Variants in PVT1 observed in about 807,000 individuals in gnomAD.
PVT1 encodes Pvt1 oncogene, also known as CXCR4/PVT1 fusion.
At chr8:127,808,006 G>A (rs999922837) in intron 2 of PVT1, among the ~76,000 whole-genome samples, 2 of 151,816 alleles carry the variant, frequency 1.3e-5, no homozygotes, top group African/African-American at 4.8e-5. Context: ...CTGACCTCAT[G>A]AGCCACCCGC....
At chr8:127,913,025 T>C (rs1815926417) in intron 3 of PVT1, among the ~76,000 whole-genome samples, 1 of 151,690 alleles carries the variant, frequency 6.6e-6, no homozygotes, top group East Asian at 1.9e-4. Context: ...TGTTTTTTTC[T>C]TTTTAGTAGA....
chr8:127,880,561 G>T (rs1563629008), intron 2 of PVT1, among the ~76,000 whole-genome samples: 1 of 145,874 alleles, frequency 6.9e-6, no homozygotes, highest in East Asian at 2.0e-4. Context: ...CTCCCAAAGT[G>T]CTGGGATTAT....
intron 4 of PVT1, among the ~76,000 whole-genome samples, chr8:128,001,866 T>A (rs1243662117): frequency 2.0e-5 from 3 of 152,178 alleles, no homozygotes; most frequent in Non-Finnish European, 4.4e-5. Context: ...GAGCCTCTTT[T>A]GTCAAGGCAC....
chr8:127,954,999 CTATGTGT>C (rs1351219168), intron 3 of PVT1, among the ~76,000 whole-genome samples: 2 of 152,204 alleles, frequency 1.3e-5, no homozygotes, highest in Non-Finnish European at 2.9e-5. Context: ...GCATATCATA[CTATGTGT>C]TATGGGCTGA....
intron 3 of PVT1, among the ~76,000 whole-genome samples, chr8:127,961,059 T>C (rs1586456949): frequency 6.9e-6 from 1 of 145,330 alleles, no homozygotes; most frequent in Admixed American, 6.7e-5. Context: ...GGGCCCAGGG[T>C]GTGGACTTAG....
chr8:127,889,643 C>T (rs981710530), intron 2 of PVT1, among the ~76,000 whole-genome samples: 2 of 152,058 alleles, frequency 1.3e-5, no homozygotes, highest in Non-Finnish European at 2.9e-5. Flanking sequence ...GGCAGGAATC[C>T]CTCACTAGGT....
At position 127,957,718 on chromosome 8, in the gene PVT1, G is replaced by A. The variant is rs150232194; in HGVS notation, n.783-31444G>A. On this transcript the variant is annotated intron_variant and non_coding_transcript_variant, in intron 3 of 10. Coordinates refer to ENST00000651587, the Ensembl canonical transcript of PVT1. ...AGCTCGTTCCTCTTCAGGCCTTCCC[G>A]GTCCTGGGAGCGAGTGTTTCTCTTT... 9.0e-4 allele frequency among the ~76,000 whole-genome samples: 137 copies of A among 152,308 alleles called. 1 individual carries two copies. In the Middle Eastern group the frequency reaches 0.014, roughly 15 times the overall value.
In PVT1 at chr8:127,795,862, A is replaced by G. The variant is rs1189076609; in HGVS notation, n.195-32A>G. ...ATCAGTCAAGAAGGGGGTTGTATCA[A>G]TCCTCAGAACCCTGAGTGGAACTTT... is the stretch of plus-strand genomic sequence containing the variant. On this transcript the variant is annotated intron_variant and non_coding_transcript_variant, in intron 1 of 10. Coordinates refer to ENST00000651587, the Ensembl canonical transcript of PVT1. 1.8e-5 allele frequency: 3 copies of G among 169,876 alleles called. No individual in the cohort carries two copies. The East Asian group carries it at 5.8e-4, about 33-fold the overall frequency. The allele number at this position is 169,876 out of a possible 1,614,324, so 10.5% of individuals were successfully genotyped here.
intron 3 of PVT1, among the ~76,000 whole-genome samples, chr8:127,904,208 G>A (rs1815792871): frequency 6.6e-6 from 1 of 152,092 alleles, no homozygotes; most frequent in South Asian, 2.1e-4. Flanking sequence ...TATCCTTAAG[G>A]AGCTTACAAC....
chr8:128,061,434 G>A (rs766114077), intron 4 of PVT1, among the ~76,000 whole-genome samples: 1 of 152,070 alleles, frequency 6.6e-6, no homozygotes, highest in Non-Finnish European at 1.5e-5. Context: ...TTGGGGGTGG[G>A]GCTGTTATGA....
intron 3 of PVT1, among the ~76,000 whole-genome samples, chr8:127,892,677 G>A (rs764357983): frequency 6.6e-6 from 1 of 152,118 alleles, no homozygotes; most frequent in African/African-American, 2.4e-5. Flanking sequence ...TTTTCCTTGC[G>A]GTCTTGGGAA....
chr8:127,955,580 C>T (rs1184855001), intron 3 of PVT1, among the ~76,000 whole-genome samples: 1 of 151,640 alleles, frequency 6.6e-6, no homozygotes, highest in African/African-American at 2.4e-5. Context: ...AATCCCCTCC[C>T]CTCCCCTGCC....
intron 4 of PVT1, among the ~76,000 whole-genome samples, chr8:128,064,060 A>G (rs79047622): frequency 0.03 from 4,496 of 152,288 alleles, 200 homozygotes; most frequent in African/African-American, 0.1. Flanking sequence ...GCTAGTATGT[A>G]TTACTAACCA....
At chr8:127,943,287 C>T (rs561670640) in intron 3 of PVT1, among the ~76,000 whole-genome samples, 1 of 152,346 alleles carries the variant, frequency 6.6e-6, no homozygotes, top group South Asian at 2.1e-4. Flanking sequence ...TTCATGCAAT[C>T]AATTCCAGCC....
chr8:128,074,353 A>T (rs1399151753), intron 5 of PVT1, among the ~76,000 whole-genome samples: 1 of 104,818 alleles, frequency 9.5e-6, no homozygotes, highest in Non-Finnish European at 2.1e-5. Context: ...AAAAATGAAA[A>T]AATAAAAATA....
At chr8:127,928,498 C>T (rs759293327) in intron 3 of PVT1, among the ~76,000 whole-genome samples, 49 of 152,220 alleles carry the variant, frequency 3.2e-4, no homozygotes, top group Admixed American at 1.2e-3. Context: ...AGCTTAAGCC[C>T]AGGCAGCTGA....
intron 3 of PVT1, among the ~76,000 whole-genome samples, chr8:127,928,172 A>G (rs1041754276): frequency 6.6e-6 from 1 of 152,154 alleles, no homozygotes; most frequent in Non-Finnish European, 1.5e-5. Flanking sequence ...GGCCGTCAAT[A>G]TCTTCCATAT....
intron 2 of PVT1, among the ~76,000 whole-genome samples, chr8:127,850,265 T>G (rs1487504650): frequency 1.3e-5 from 2 of 152,166 alleles, no homozygotes; most frequent in East Asian, 1.9e-4. Context: ...TCGGTCTGGT[T>G]TACAACATAG....
intron 3 of PVT1, among the ~76,000 whole-genome samples, chr8:127,919,714 C>T (rs537189657): frequency 9.8e-5 from 15 of 152,338 alleles, no homozygotes; most frequent in South Asian, 6.2e-4. Flanking sequence ...TTTCTGGCCT[C>T]ACTCACTGTG....
Sources: gnomAD v4.1 joint callset for allele counts (sites outside exome capture counted in the v4.1 genomes callset) on GRCh38, gnomAD v4.1.1 for gene constraint, MANE v1.5 for transcripts, NCBI Gene and HGNC (gene_info 2026-07-23, HGNC 2026-07-21) for gene names.